The following UTRN variants were observed in gnomAD, a reference collection of about 807,000 sequenced individuals.
The protein encoded by UTRN is dystrophin-related protein 1.
UTRN carries 283 observed loss-of-function variants against 463.9 expected under a neutral mutation model. The ratio of observed to expected loss-of-function variants is 0.61; its 90% CI spans 0.55 to 0.67. The LOEUF (loss-of-function observed/expected upper bound fraction) is 0.67, where lower values mean the gene tolerates loss of function less well. Among genes scored for constraint, UTRN ranks in the 30% least tolerant of loss-of-function variants. The probability of loss-of-function intolerance (pLI) is 0.00; values close to 1 mark genes in which losing one functional copy is unlikely to be tolerated. For synonymous variants in UTRN, 1,442 were observed against 1,431.5 expected (o/e 1.01, Z -0.17); for missense variants, 3,922 against 4,084.3 (o/e 0.96, Z 1.08).
chr6:144,328,058 G>A (rs972704154), intron 2 of UTRN, among the ~76,000 whole-genome samples: 29 of 152,066 alleles, frequency 1.9e-4, no homozygotes, highest in African/African-American at 6.5e-4. Flanking sequence ...GAGGGAAATC[G>A]GAGTGTAATA....
At chr6:144,744,951 C>T (rs1382697023) in intron 54 of UTRN, among the ~76,000 whole-genome samples, 1 of 152,192 alleles carries the variant, frequency 6.6e-6, no homozygotes, top group East Asian at 1.9e-4. Flanking sequence ...TAGCCACATT[C>T]CATCCTGACA....
At chr6:144,292,372 G>A (rs997816921) in intron 2 of UTRN, among the ~76,000 whole-genome samples, 4 of 152,154 alleles carry the variant, frequency 2.6e-5, no homozygotes, top group Non-Finnish European at 5.9e-5. Flanking sequence ...AATATCTTAT[G>A]AGCCTTCTCA....
At chr6:144,486,528 A>C (rs1792466487) in intron 28 of UTRN, among the ~76,000 whole-genome samples, 1 of 152,098 alleles carries the variant, frequency 6.6e-6, no homozygotes, top group Non-Finnish European at 1.5e-5. Flanking sequence ...TTACTTATTT[A>C]TCTTTTTATT....
At chr6:144,352,781 C>T (rs1032562933) in intron 2 of UTRN, among the ~76,000 whole-genome samples, 1 of 152,136 alleles carries the variant, frequency 6.6e-6, no homozygotes, top group South Asian at 2.1e-4. Context: ...AAAGTATTGA[C>T]ATTTATTTCC....
At chr6:144,740,706 G>C (rs1261137534) in intron 54 of UTRN, among the ~76,000 whole-genome samples, 4 of 152,058 alleles carry the variant, frequency 2.6e-5, no homozygotes, top group Non-Finnish European at 5.9e-5. Context: ...AAAATACAAC[G>C]AGCCAGCTGA....
intron 9 of UTRN, among the ~76,000 whole-genome samples, chr6:144,432,242 T>C (rs1785926262): frequency 6.6e-6 from 1 of 152,236 alleles, no homozygotes; most frequent in African/African-American, 2.4e-5. Context: ...TTCCCCTCTG[T>C]TAAATGCTTC....
chr6:144,479,582 C>T (rs563745296), intron 25 of UTRN, among the ~76,000 whole-genome samples: 8 of 152,236 alleles, frequency 5.3e-5, no homozygotes, highest in African/African-American at 1.7e-4. Flanking sequence ...ATAGCTATTT[C>T]GAGATAAGAG....
chr6:144,670,430 G>A (rs895705639), intron 51 of UTRN, among the ~76,000 whole-genome samples: 2 of 151,760 alleles, frequency 1.3e-5, no homozygotes, highest in African/African-American at 4.8e-5. Flanking sequence ...ATCTTCTTTT[G>A]GGAATTGTCT....
rs78295230 is a variant in UTRN at position 144,480,532 on chromosome 6, G to A, written c.3507+550G>A. On this transcript the variant is annotated intron_variant, in intron 26 of 74. Coordinates refer to ENST00000367545, the MANE Select transcript of UTRN (RefSeq NM_007124.3). The stretch of plus-strand genomic sequence containing the variant: ...ATATGAACACTGACGTTTCATTAGA[G>A]CAGGTAGGAATAGCGGTAGGAATGC... Among the ~76,000 whole-genome samples the A allele has an allele frequency of 6.5e-3, 987 of 152,306 alleles. 3 individuals carry two copies. The highest frequency in any genetic ancestry group is 0.024 in the Middle Eastern group (7 of 294).
At chr6:144,715,453 C>T (rs142570976) in intron 53 of UTRN, among the ~76,000 whole-genome samples, 9 of 152,286 alleles carry the variant, frequency 5.9e-5, no homozygotes, top group East Asian at 1.9e-4. Flanking sequence ...CCACAGCTCT[C>T]GGAATGGTCT....
chr6:144,584,122 A>G (rs1802236744), intron 51 of UTRN, among the ~76,000 whole-genome samples: 1 of 152,158 alleles, frequency 6.6e-6, no homozygotes, highest in Admixed American at 6.5e-5. Context: ...TTAAATCTCC[A>G]TATATTATAG....
chr6:144,396,758 G>C (rs771805884), intron 2 of UTRN, among the ~76,000 whole-genome samples: 2 of 152,118 alleles, frequency 1.3e-5, no homozygotes, highest in Non-Finnish European at 2.9e-5. Context: ...AGCTAGGTAA[G>C]GAGACATGAA....
chr6:144,720,647 A>T (rs958553046), intron 53 of UTRN, among the ~76,000 whole-genome samples: 1 of 152,234 alleles, frequency 6.6e-6, no homozygotes, highest in East Asian at 1.9e-4. Context: ...CGGACAAGCC[A>T]TGAGAGACTA....
At chr6:144,405,957 T>G (rs1239478897) in intron 3 of UTRN, among the ~76,000 whole-genome samples, 1 of 152,266 alleles carries the variant, frequency 6.6e-6, no homozygotes, top group Non-Finnish European at 1.5e-5. Context: ...TAATTACTTT[T>G]GAGCTACTTT....
intron 66 of UTRN, 62 bp downstream of exon 66, chr6:144,821,080 T>G: frequency 1.9e-6 from 3 of 1,558,924 alleles, no homozygotes; most frequent in Non-Finnish European, 2.6e-6. Flanking sequence ...GTCTTTTTTA[T>G]GTTAGTAACA....
chr6:144,491,057 G>T lies in UTRN; in HGVS notation c.4392G>T (p.Lys1464Asn). ...VKAELHVLDV[K>N]DVDPDVIQTH... ...CAGAACTTCACGTTCTGGATGTGAA[G>T]GACGTAGACCCTGACGTCATACAGA... Residue 1464 changes from lysine to asparagine, a missense_variant, in exon 32 of 75, where the codon AAG becomes AAT. By Grantham distance (94) the Lys-to-Asn change is moderately conservative. Transcript: ENST00000367545. The T allele has an allele frequency of 6.2e-7, 1 of 1,613,852 alleles. No individual in the cohort carries two copies. The highest frequency in any genetic ancestry group is 8.5e-7 in the Non-Finnish European group (1 of 1,179,938).
chr6:144,598,224 A>G (rs1373586310), intron 51 of UTRN, among the ~76,000 whole-genome samples: 1 of 152,148 alleles, frequency 6.6e-6, no homozygotes, highest in African/African-American at 2.4e-5. Context: ...TTTTAGGGAG[A>G]AAATAGACGT....
At chr6:144,509,826 A>G (rs1378435773) in intron 34 of UTRN, among the ~76,000 whole-genome samples, 1 of 152,156 alleles carries the variant, frequency 6.6e-6, no homozygotes, top group Non-Finnish European at 1.5e-5. Context: ...TGTACTATTT[A>G]GATGTAATTA....
At chr6:144,597,934 C>T (rs963541926) in intron 51 of UTRN, among the ~76,000 whole-genome samples, 1 of 152,070 alleles carries the variant, frequency 6.6e-6, no homozygotes, top group Non-Finnish European at 1.5e-5. Flanking sequence ...TTTTACACTG[C>T]CAGATAACCT....
Sources: gnomAD v4.1 joint callset for allele counts (sites outside exome capture counted in the v4.1 genomes callset) on GRCh38, gnomAD v4.1.1 for gene constraint, MANE v1.5 for transcripts, NCBI Gene and HGNC (gene_info 2026-07-23, HGNC 2026-07-21) for gene names.